Variants in KLHL1 observed in about 807,000 individuals in gnomAD.
KLHL1 encodes kelch-like protein 1.
KLHL1 carries 47 observed loss-of-function variants against 77.7 expected under a neutral mutation model. That is an observed-to-expected ratio of 0.60 (90% CI 0.48 to 0.77). The LOEUF (loss-of-function observed/expected upper bound fraction) is 0.77, where lower values mean the gene tolerates loss of function less well. Among genes scored for constraint, KLHL1 ranks in the 30% least tolerant of loss-of-function variants. The probability of loss-of-function intolerance (pLI) is 0.00; values close to 1 mark genes in which losing one functional copy is unlikely to be tolerated. For synonymous variants in KLHL1, 360 were observed against 325.2 expected (o/e 1.11, Z -1.15); for missense variants, 925 against 910.8 (o/e 1.02, Z -0.20).
intron 5 of KLHL1, among the ~76,000 whole-genome samples, chr13:69,839,764 AGAGT>A (rs761608330): frequency 2.6e-5 from 4 of 152,026 alleles, no homozygotes; most frequent in Admixed American, 6.6e-5. Flanking sequence ...ATAGACCAAT[AGAGT>A]GAGACCAGTA....
At chr13:70,033,342 G>T (rs61964237) in intron 1 of KLHL1, among the ~76,000 whole-genome samples, 61,150 of 151,572 alleles carry the variant, frequency 0.4, 12,715 homozygotes, top group African/African-American at 0.52. Flanking sequence ...CAGGCTGGAG[G>T]GCAGTGGCGC....
intron 1 of KLHL1, among the ~76,000 whole-genome samples, chr13:70,090,430 C>T (rs1373636760): frequency 6.6e-6 from 1 of 151,728 alleles, no homozygotes; most frequent in Non-Finnish European, 1.5e-5. Flanking sequence ...AATCTATAAG[C>T]CTCTCTTAAA....
In KLHL1 at chr13:70,107,741, A is replaced by G. The variant is rs3751428; in HGVS notation, c.-42T>C. ...GCAAAAGGCTGGCAGCTCACGCAGGAGTAGGCTGGTCAGCAGGTGGGGGAG... is the reference window on the plus strand; with the variant it reads ...GCAAAAGGCTGGCAGCTCACGCAGGGGTAGGCTGGTCAGCAGGTGGGGGAG... On this transcript the variant is annotated 5_prime_UTR_variant, in exon 1 of 11. Transcript: ENST00000377844. 392,388 of 1,452,882 alleles carry G rather than the reference A, an allele frequency of 0.27. 55,553 individuals are homozygous for G. Among genetic ancestry groups the G allele is most frequent in the South Asian group, 0.4 (29,023 of 71,912 alleles). 90.0% of individuals were successfully genotyped at this position (1,452,882 alleles called of 1,614,324 possible). A position where few individuals can be genotyped will look rare whatever the true frequency, so the allele number is the denominator to read the frequency against.
intron 1 of KLHL1, among the ~76,000 whole-genome samples, chr13:70,063,180 T>G (rs1886931595): frequency 6.6e-6 from 1 of 152,112 alleles, no homozygotes; most frequent in Admixed American, 6.6e-5. Context: ...TCTGATTACT[T>G]CTCTAAGTAG....
At chr13:70,082,902 T>C (rs1041158830) in intron 1 of KLHL1, among the ~76,000 whole-genome samples, 2 of 152,130 alleles carry the variant, frequency 1.3e-5, no homozygotes, top group African/African-American at 4.8e-5. Flanking sequence ...ATGTTCTTAC[T>C]TATAAGTGGG....
In KLHL1 at chr13:69,768,167, G is replaced by C. The variant is rs569129910; in HGVS notation, c.1640-27611C>G. On this transcript the variant is annotated intron_variant, in intron 7 of 10. Coordinates refer to ENST00000377844, the MANE Select transcript of KLHL1 (RefSeq NM_020866.3). ...ACCTACCCAAATATCCATAGATCAAGCTTTCTTTAGCTTACCAAGCTGCAA... is the reference window on the plus strand; with the variant it reads ...ACCTACCCAAATATCCATAGATCAACCTTTCTTTAGCTTACCAAGCTGCAA... Among the ~76,000 whole-genome samples the C allele has an allele frequency of 7.2e-5, 11 of 152,130 alleles. No individual in the cohort carries two copies. The East Asian group carries it at 2.1e-3, about 29-fold the overall frequency.
chr13:69,955,925 A>T (rs529601714), intron 3 of KLHL1, among the ~76,000 whole-genome samples: 1 of 114,790 alleles, frequency 8.7e-6, no homozygotes, highest in African/African-American at 3.0e-5. Flanking sequence ...ATATATATTT[A>T]TATATATTTG....
intron 9 of KLHL1, among the ~76,000 whole-genome samples, chr13:69,719,140 G>A (rs1203629702): frequency 6.6e-6 from 1 of 151,394 alleles, no homozygotes; most frequent in Non-Finnish European, 1.5e-5. Flanking sequence ...TTAGTTGAAG[G>A]GAGGAAGCAA....
At chr13:69,703,351 GA>G (rs571509173) in intron 10 of KLHL1, among the ~76,000 whole-genome samples, 25 of 149,984 alleles carry the variant, frequency 1.7e-4, no homozygotes, top group East Asian at 7.8e-4. Context: ...AGGATATAAA[GA>G]AAAAAAATTA....
chr13:69,723,083 A>G (rs1158565017), intron 8 of KLHL1, among the ~76,000 whole-genome samples: 2 of 152,076 alleles, frequency 1.3e-5, no homozygotes. Flanking sequence ...CAGAAAGACA[A>G]ATACCACATT....
Position 69,811,669 on chromosome 13 carries a change from G to GA in KLHL1, c.1415-14708dup, listed in dbSNP as rs538254908. 1.5e-3 allele frequency among the ~76,000 whole-genome samples: 226 copies of GA among 151,652 alleles called. 1 individual carries two copies. The highest frequency in any genetic ancestry group is 2.4e-3 in the Non-Finnish European group (162 of 67,812). On this transcript the variant is annotated intron_variant, in intron 6 of 10. Transcript: ENST00000377844. Reference sequence around the variant, plus strand: ...ACAGAAATAAAAGACATCCAAGTAGGAAAAAAAAGTCATGTTATCTCTCTT... The same window carrying GA: ...ACAGAAATAAAAGACATCCAAGTAGGAAAAAAAAAGTCATGTTATCTCTCTT...
intron 1 of KLHL1, among the ~76,000 whole-genome samples, chr13:70,017,663 C>G (rs907108796): frequency 6.6e-6 from 1 of 152,076 alleles, no homozygotes; most frequent in South Asian, 2.1e-4. Context: ...ATACTCAGAC[C>G]GAAGGTGCAT....
chr13:70,044,026 C>T (rs1472673716), intron 1 of KLHL1, among the ~76,000 whole-genome samples: 4 of 152,150 alleles, frequency 2.6e-5, no homozygotes, highest in African/African-American at 9.7e-5. Flanking sequence ...AAAGTAAATT[C>T]CCGTTGTCCT....
rs1566564195 is a variant in KLHL1, at chr13:70,086,596, AAGAAAGAAAGAAAGAAAGAAAG to A, written c.497+20585_497+20606del. The stretch of plus-strand genomic sequence containing the variant: ...TCAAAAAAAAAAAAAAAAAAAAAGA[AAGAAAGAAAGAAAGAAAGAAAG>A]AAAGAAAGAAAGAAAAAAGAAAAAG... On this transcript the variant is annotated intron_variant, in intron 1 of 10. Transcript: ENST00000377844. Among the ~76,000 whole-genome samples the A allele has an allele frequency of 2.7e-3, 93 of 34,346 alleles. 5 individuals carry two copies. Among genetic ancestry groups the A allele is most frequent in the Admixed American group, 5.8e-3 (12 of 2,084 alleles). The allele number at this position is 34,346 out of a possible 152,430, so 22.5% of individuals were successfully genotyped here.
At chr13:70,012,730 G>A (rs1055245062) in intron 1 of KLHL1, among the ~76,000 whole-genome samples, 2 of 151,862 alleles carry the variant, frequency 1.3e-5, no homozygotes, top group African/African-American at 4.8e-5. Flanking sequence ...CTAACATGGT[G>A]AAACCCCGTC....
chr13:69,933,801 A>T (rs1883083244), intron 4 of KLHL1, among the ~76,000 whole-genome samples: 1 of 152,014 alleles, frequency 6.6e-6, no homozygotes, highest in Admixed American at 6.6e-5. Flanking sequence ...GAAGGGGGAA[A>T]AAAAAATACT....
chr13:69,945,384 T>C (rs1593974775), intron 3 of KLHL1, among the ~76,000 whole-genome samples: 1 of 151,508 alleles, frequency 6.6e-6, no homozygotes, highest in East Asian at 1.9e-4. Flanking sequence ...TATAATTCCC[T>C]GCAAGACTGA....
chr13:69,891,749 C>G (rs1382606753), intron 4 of KLHL1, among the ~76,000 whole-genome samples: 2 of 151,948 alleles, frequency 1.3e-5, no homozygotes, highest in Non-Finnish European at 2.9e-5. Flanking sequence ...TTATGCAAAA[C>G]ATTTGCAATT....
intron 7 of KLHL1, among the ~76,000 whole-genome samples, chr13:69,775,608 C>A (rs1346367549): frequency 6.6e-6 from 1 of 151,990 alleles, no homozygotes; most frequent in Non-Finnish European, 1.5e-5. Flanking sequence ...ACTTAAAATT[C>A]AAAAATATTA....
Sources: gnomAD v4.1 joint callset for allele counts (sites outside exome capture counted in the v4.1 genomes callset) on GRCh38, gnomAD v4.1.1 for gene constraint, MANE v1.5 for transcripts, NCBI Gene and HGNC (gene_info 2026-07-23, HGNC 2026-07-21) for gene names.